The following CNTNAP4 variants were observed in gnomAD, a reference collection of about 807,000 sequenced individuals.
The protein encoded by CNTNAP4 is contactin associated protein family member 4.
In CNTNAP4, 98 loss-of-function variants were observed where a neutral mutation model predicts 148.4. That is an observed-to-expected ratio of 0.66 (90% confidence interval 0.56 to 0.78). The LOEUF is 0.78. Among genes scored for constraint, CNTNAP4 ranks in the 30% least tolerant of loss-of-function variants. CNTNAP4 has a pLI of 0.00. For missense variants in CNTNAP4, 1,935 were observed against 1,565.6 expected (o/e 1.24, Z -3.98); for synonymous variants, 730 against 565.1 (o/e 1.29, Z -4.14).
intron 4 of CNTNAP4, among the ~76,000 whole-genome samples, chr16:76,428,950 T>C (rs2079519365): frequency 6.6e-6 from 1 of 152,174 alleles, no homozygotes; most frequent in African/African-American, 2.4e-5. Flanking sequence ...AGAGGTTGAC[T>C]TGCTCAAGCC....
chr16:76,457,499 A>G (rs2080779691), intron 8 of CNTNAP4, among the ~76,000 whole-genome samples: 1 of 152,128 alleles, frequency 6.6e-6, no homozygotes, highest in South Asian at 2.1e-4. Context: ...AGAGTGGGTT[A>G]CTCTGGCAGT....
chr16:76,537,920 A>G (rs1287566980), intron 18 of CNTNAP4, among the ~76,000 whole-genome samples, 196 bp from the exon 19 acceptor site: 4 of 152,136 alleles, frequency 2.6e-5, no homozygotes, highest in Non-Finnish European at 5.9e-5. Context: ...CATTAATTAT[A>G]TGTCATTTTA....
At chr16:76,332,490 T>C (rs1231974494) in intron 2 of CNTNAP4, among the ~76,000 whole-genome samples, 1 of 152,104 alleles carries the variant, frequency 6.6e-6, no homozygotes, top group Non-Finnish European at 1.5e-5. Flanking sequence ...TCTTGAACTC[T>C]TGGGCTCAAG....
At chr16:76,483,126 A>G (rs2081898009) in intron 12 of CNTNAP4, among the ~76,000 whole-genome samples, 1 of 152,092 alleles carries the variant, frequency 6.6e-6, no homozygotes, top group South Asian at 2.1e-4. Flanking sequence ...CTATGTTCCC[A>G]TAAATGCATC....
chr16:76,277,680 A>T lies in CNTNAP4; in HGVS notation c.18A>T (p.Gly6=). 1 of 1,605,320 alleles carries T rather than the reference A, an allele frequency of 6.2e-7. No individual in the cohort carries two copies. Among genetic ancestry groups the T allele is most frequent in the South Asian group, 1.1e-5 (1 of 89,014 alleles). Residue 6 remains glycine (G), a synonymous_variant, in exon 1 of 24, where the codon GGA becomes GGT. Transcript: ENST00000611870. The part of the protein sequence containing the change: MGSVT[G]AVLKTLLLLS... Reference sequence around the variant, plus strand: ...ATGTGAACATGGGATCTGTCACGGGAGCTGTCCTCAAGACGCTACTTCTGT... The same window carrying T: ...ATGTGAACATGGGATCTGTCACGGGTGCTGTCCTCAAGACGCTACTTCTGT...
chr16:76,347,886 G>C (rs1267361371), intron 2 of CNTNAP4, among the ~76,000 whole-genome samples: 1 of 152,160 alleles, frequency 6.6e-6, no homozygotes, highest in African/African-American at 2.4e-5. Context: ...AGGTGGCATA[G>C]TGAGAACTTC....
intron 4 of CNTNAP4, among the ~76,000 whole-genome samples, chr16:76,437,104 G>T (rs1333257003): frequency 6.6e-6 from 1 of 151,832 alleles, no homozygotes; most frequent in East Asian, 1.9e-4. Context: ...GAAGAACTTG[G>T]AGTCTGATGT....
Position 76,521,284 on chromosome 16 carries a change from C to T in CNTNAP4, c.2510C>T (p.Ala837Val), listed in dbSNP as rs1454483801. 2.8e-5 allele frequency: 45 copies of T among 1,611,826 alleles called. No homozygotes were observed. The highest frequency in any genetic ancestry group is 3.8e-5 in the Non-Finnish European group (45 of 1,179,172). The part of the protein sequence containing the change: ...SGVFLENLGI[A>V]DFIRIELRSP... ...GTATTTTTAGAGAACTTGGGGATTG[C>T]TGATTTTATACGGATAGAGCTTCGC... The change falls in exon 16 of 24, where the codon GCT (alanine) becomes GTT (valine). Residue 837 changes from alanine to valine, a missense_variant. Transcript: ENST00000611870.
chr16:76,472,838 A>G (rs974363320), intron 10 of CNTNAP4, among the ~76,000 whole-genome samples: 1 of 152,184 alleles, frequency 6.6e-6, no homozygotes, highest in East Asian at 1.9e-4. Context: ...GGATCAGGAA[A>G]AATAACTAAT....
At chr16:76,486,760 A>G (rs2082044882) in intron 12 of CNTNAP4, among the ~76,000 whole-genome samples, 1 of 152,162 alleles carries the variant, frequency 6.6e-6, no homozygotes, top group African/African-American at 2.4e-5. Flanking sequence ...AAGTCTCTCT[A>G]TCACTGTATG....
At chr16:76,293,131 T>C (rs1430242285) in intron 1 of CNTNAP4, among the ~76,000 whole-genome samples, 2 of 142,102 alleles carry the variant, frequency 1.4e-5, no homozygotes, top group Admixed American at 6.8e-5. Flanking sequence ...TCTTTCTTTC[T>C]TTTTTTTTTT....
chr16:76,278,041 C>A (rs1958547891), intron 1 of CNTNAP4, among the ~76,000 whole-genome samples: 1 of 152,166 alleles, frequency 6.6e-6, no homozygotes, highest in African/African-American at 2.4e-5. Context: ...AAATTAGCAT[C>A]TTATCGGGGG....
At chr16:76,425,516 G>T (rs1228506183) in intron 3 of CNTNAP4, among the ~76,000 whole-genome samples, 1 of 152,034 alleles carries the variant, frequency 6.6e-6, no homozygotes, top group Admixed American at 6.6e-5. Context: ...AGATAAACAG[G>T]CAGATAATGA....
At chr16:76,333,730 A>T (rs1025683347) in intron 2 of CNTNAP4, among the ~76,000 whole-genome samples, 1 of 139,346 alleles carries the variant, frequency 7.2e-6, no homozygotes, top group Admixed American at 7.3e-5. Flanking sequence ...AAATCAGATG[A>T]TCTCTTCCTC....
Position 76,553,429 on chromosome 16 carries a change from G to A in CNTNAP4, c.3589G>A (p.Val1197Met), listed in dbSNP as rs553614445. ...HPDPVTVTGH[V>M]TESSCMAQPG... ...AGACCCTGTCACTGTTACAGGACAC[G>A]TGACTGAGTCCAGCTGTATGGCCCA... Residue 1197 changes from valine (V) to methionine (M), a missense_variant, in exon 22 of 24, where the codon GTG becomes ATG. Transcript: ENST00000611870. The A allele has an allele frequency of 1.6e-4, 262 of 1,612,804 alleles. No homozygotes were observed. Among genetic ancestry groups the A allele is most frequent in the Middle Eastern group, 3.3e-4 (2 of 6,058 alleles).
chr16:76,335,614 C>T (rs1472913130), intron 2 of CNTNAP4, among the ~76,000 whole-genome samples: 1 of 152,112 alleles, frequency 6.6e-6, no homozygotes, highest in Non-Finnish European at 1.5e-5. Context: ...GTATGGAATC[C>T]TCCTTTCACA....
At chr16:76,362,912 T>C (rs2013613656) in intron 3 of CNTNAP4, among the ~76,000 whole-genome samples, 1 of 151,016 alleles carries the variant, frequency 6.6e-6, no homozygotes, top group Admixed American at 6.6e-5. Context: ...TAGAAGTTAA[T>C]AAAATAAGGA....
At position 76,522,117 on chromosome 16, in the gene CNTNAP4, A is replaced by C. The variant is rs767537635; in HGVS notation, c.2615A>C (p.Asn872Thr). 1 of 1,613,970 alleles carries C rather than the reference A, an allele frequency of 6.2e-7. No homozygotes were observed. The highest frequency in any genetic ancestry group is 2.2e-5 in the East Asian group (1 of 44,876). The change falls in exon 17 of 24, where the codon AAC becomes ACC. Residue 872 changes from asparagine (N) to threonine (T), a missense_variant. Coordinates refer to ENST00000611870, the MANE Select transcript of CNTNAP4 (RefSeq NM_033401.5). ...TCAGTGCAGTCACCCACCCACTTCA[A>C]CGACAACCAGTGGCACCATGTGAGG... ...EISVQSPTHF[N>T]DNQWHHVRVE...
chr16:76,437,046 G>T (rs1956186392), intron 4 of CNTNAP4, among the ~76,000 whole-genome samples: 1 of 151,540 alleles, frequency 6.6e-6, no homozygotes. Context: ...CCTACAATAG[G>T]CCATCTGCAA....
Sources: allele counts gnomAD v4.1 joint callset (sites outside exome capture counted in the v4.1 genomes callset), GRCh38; gene constraint gnomAD v4.1.1; transcripts MANE v1.5; gene names NCBI Gene and HGNC (gene_info 2026-07-23, HGNC 2026-07-21).